CDH4: variants seen among roughly 807,000 people sequenced by gnomAD.
The protein encoded by CDH4 is cadherin-4.
A neutral mutation model predicts 86.0 loss-of-function variants in CDH4; 33 were observed. The observed-to-expected ratio is 0.38, with a 90% CI of 0.29 to 0.51. The LOEUF (loss-of-function observed/expected upper bound fraction) is 0.51, where lower values mean the gene tolerates loss of function less well. Among genes scored for constraint, CDH4 ranks in the 20% least tolerant of loss-of-function variants. The pLI is 0.86. For synonymous variants in CDH4, 555 were observed against 549.4 expected, an observed-to-expected ratio of 1.01 and a Z score of -0.14; for missense variants, 1,114 against 1,307.4, an observed-to-expected ratio of 0.85 and a Z score of 2.28.
intron 4 of CDH4, among the ~76,000 whole-genome samples, chr20:61,820,144 G>A (rs1018437859): frequency 1.3e-5 from 2 of 152,126 alleles, no homozygotes; most frequent in Non-Finnish European, 2.9e-5. Flanking sequence ...AACCGGTTTT[G>A]CCCAGAGGGC....
chr20:61,701,081 G>A (rs536502435), intron 2 of CDH4, among the ~76,000 whole-genome samples: 7 of 152,260 alleles, frequency 4.6e-5, no homozygotes, highest in South Asian at 2.1e-4. Context: ...CAGAGAGCTC[G>A]GAGGGAAGAC....
intron 2 of CDH4, among the ~76,000 whole-genome samples, chr20:61,620,308 A>G (rs899769473): frequency 2.0e-5 from 3 of 149,848 alleles, no homozygotes; most frequent in African/African-American, 7.5e-5. Flanking sequence ...TGGTAGGTAG[A>G]TAGGTAGGTA....
At chr20:61,816,138 G>A (rs561936843) in intron 4 of CDH4, among the ~76,000 whole-genome samples, 10 of 152,278 alleles carry the variant, frequency 6.6e-5, no homozygotes, top group African/African-American at 1.4e-4. Context: ...AGTCTGTCCC[G>A]TGGCAGCCTT....
intron 2 of CDH4, among the ~76,000 whole-genome samples, chr20:61,316,203 C>T (rs2084475374): frequency 6.6e-6 from 1 of 152,128 alleles, no homozygotes; most frequent in Non-Finnish European, 1.5e-5. Context: ...AGTTTACTTC[C>T]CAAACAGAAG....
rs1282496820 is a variant in CDH4 at position 61,744,474 on chromosome 20, T to G, written c.396+685T>G. ...GGAGAGAGAGAAGGAGGGAGAGAGA[T>G]GGAGAGAGGTGGAGGGAGAGAGAGA... is the stretch of plus-strand genomic sequence containing the variant. On this transcript the variant is annotated intron_variant, in intron 3 of 15. Coordinates refer to ENST00000614565, the MANE Select transcript of CDH4 (RefSeq NM_001794.5). Among the ~76,000 whole-genome samples, 26 of 21,534 alleles carry G rather than the reference T, an allele frequency of 1.2e-3. 2 individuals carry two copies. The highest frequency in any genetic ancestry group is 0.025 in the Middle Eastern group (1 of 40). The allele number at this position is 21,534 out of a possible 152,430, so 14.1% of individuals were successfully genotyped here.
rs1415570354 is a variant in CDH4 at position 61,626,234 on chromosome 20, A to G, written c.170-117329A>G. ...GGGTCAGGGAACGGCGGAGCAGGCC[A>G]AGGGGTGGGGGTCAGTTTTAAATGG... On this transcript the variant is annotated intron_variant, in intron 2 of 15. Coordinates refer to ENST00000614565, the MANE Select transcript of CDH4 (RefSeq NM_001794.5). 3.3e-5 allele frequency among the ~76,000 whole-genome samples: 5 copies of G among 152,258 alleles called. No homozygotes were observed. The East Asian group carries it at 9.7e-4, about 29-fold the overall frequency.
In CDH4 at chr20:61,801,342, G is replaced by A. The variant is rs370083700; in HGVS notation, c.576+28160G>A. Among the ~76,000 whole-genome samples the A allele has an allele frequency of 5.9e-5, 9 of 152,232 alleles. 1 individual carries two copies. Among genetic ancestry groups the A allele is most frequent in the East Asian group, 1.9e-4 (1 of 5,166 alleles). On this transcript the variant is annotated intron_variant, in intron 4 of 15. Transcript: ENST00000614565. ...GCCAAGCGTCTCTCTAGGGTTGAGG[G>A]CATCAACCACAAACACTGGTGTGTG...
Position 61,367,973 on chromosome 20 carries a change from C to A in CDH4, c.169+113036C>A, listed in dbSNP as rs774898517. Among the ~76,000 whole-genome samples, 8 of 149,196 alleles carry A rather than the reference C, an allele frequency of 5.4e-5. No individual in the cohort carries two copies. The Middle Eastern group carries it at 0.011, about 197-fold the overall frequency. On this transcript the variant is annotated intron_variant, in intron 2 of 15. Coordinates refer to ENST00000614565, the MANE Select transcript of CDH4 (RefSeq NM_001794.5). Reference sequence around the variant, plus strand: ...GCAACCTCTGCCTCCTGGGTTCAAGCAATTCTCCTTCCTCAGCCTCCTGAG... The same window carrying A: ...GCAACCTCTGCCTCCTGGGTTCAAGAAATTCTCCTTCCTCAGCCTCCTGAG...
At chr20:61,760,538 G>A (rs1359948781) in intron 3 of CDH4, among the ~76,000 whole-genome samples, 2 of 152,226 alleles carry the variant, frequency 1.3e-5, no homozygotes, top group African/African-American at 2.4e-5. Flanking sequence ...TGGGCAGGTC[G>A]TGCAACCTCC....
At chr20:61,837,908 T>A (rs1219120020) in intron 4 of CDH4, among the ~76,000 whole-genome samples, 1 of 152,006 alleles carries the variant, frequency 6.6e-6, no homozygotes, top group Non-Finnish European at 1.5e-5. Flanking sequence ...CTTCCTCCCC[T>A]CCCATCTCCC....
At position 61,511,878 on chromosome 20, in the gene CDH4, G is replaced by T. The variant is rs116040893; in HGVS notation, c.170-231685G>T. Among the ~76,000 whole-genome samples the T allele has an allele frequency of 3.8e-3, 578 of 152,170 alleles. 3 individuals carry two copies. Among genetic ancestry groups the T allele is most frequent in the African/African-American group, 0.014 (562 of 41,508 alleles). On this transcript the variant is annotated intron_variant, in intron 2 of 15. Transcript: ENST00000614565. The stretch of plus-strand genomic sequence containing the variant: ...TTGTGAAACTCATTTTTTTCCATGG[G>T]TATACTGTAGAATAAATATCTGGAA...
At chr20:61,838,934 G>A (rs916259820) in intron 4 of CDH4, among the ~76,000 whole-genome samples, 3 of 152,170 alleles carry the variant, frequency 2.0e-5, no homozygotes, top group African/African-American at 4.8e-5. Flanking sequence ...CTGTGCCTTC[G>A]GGATGGGGCA....
chr20:61,278,068 C>T (rs937721408), intron 2 of CDH4, among the ~76,000 whole-genome samples: 1 of 119,560 alleles, frequency 8.4e-6, no homozygotes, highest in African/African-American at 2.6e-5. Flanking sequence ...TTGCCTGCTC[C>T]GGGCATCTGT....
intron 3 of CDH4, among the ~76,000 whole-genome samples, chr20:61,759,381 T>C (rs1429221397): frequency 6.6e-6 from 1 of 152,242 alleles, no homozygotes; most frequent in East Asian, 1.9e-4. Context: ...CAGGGGTGTC[T>C]GTGAGACTGA....
At chr20:61,530,262 C>A (rs1290651685) in intron 2 of CDH4, among the ~76,000 whole-genome samples, 1 of 152,160 alleles carries the variant, frequency 6.6e-6, no homozygotes, top group Non-Finnish European at 1.5e-5. Flanking sequence ...AACTCCTGAC[C>A]TCAAGTGATC....
chr20:61,806,590 G>A (rs574883969), intron 4 of CDH4, among the ~76,000 whole-genome samples: 160 of 151,434 alleles, frequency 1.1e-3, no homozygotes, highest in Non-Finnish European at 1.9e-3. Context: ...CACACATGCA[G>A]TACCATCGGA....
chr20:61,407,077 C>T (rs143119589), intron 2 of CDH4, among the ~76,000 whole-genome samples: 31 of 152,242 alleles, frequency 2.0e-4, no homozygotes, highest in African/African-American at 6.5e-4. Context: ...CTGGATACAG[C>T]GTCAAATAAG....
intron 8 of CDH4, among the ~76,000 whole-genome samples, chr20:61,899,705 G>C (rs1159325895): frequency 6.6e-6 from 1 of 152,200 alleles, no homozygotes; most frequent in Non-Finnish European, 1.5e-5. Flanking sequence ...GGGATTACAG[G>C]TGTGAGCCAC....
At chr20:61,840,436 C>T (rs1250280198) in intron 4 of CDH4, among the ~76,000 whole-genome samples, 2 of 152,238 alleles carry the variant, frequency 1.3e-5, no homozygotes, top group Admixed American at 1.3e-4. Flanking sequence ...GGAGACTCTG[C>T]CAGAACGTTT....
Sources: gnomAD v4.1 joint callset for allele counts (sites outside exome capture counted in the v4.1 genomes callset) on GRCh38, gnomAD v4.1.1 for gene constraint, MANE v1.5 for transcripts, NCBI Gene and HGNC (gene_info 2026-07-23, HGNC 2026-07-21) for gene names.